The following CMTM8 variants were observed in gnomAD, a reference collection of about 807,000 sequenced individuals.
CMTM8 encodes the protein CKLF like MARVEL transmembrane domain containing 8.
CMTM8 carries 12 observed loss-of-function variants against 18.6 expected under a neutral mutation model. That is an observed-to-expected ratio of 0.65 (90% CI 0.41 to 1.05). The LOEUF is 1.05. Among genes scored for constraint, CMTM8 ranks in the 50% least tolerant of loss-of-function variants. CMTM8 has a pLI of 0.00. For synonymous variants in CMTM8, 87 were observed against 90.6 expected, an observed-to-expected ratio of 0.96 and a Z score of 0.23; for missense variants, 217 against 227.2, an observed-to-expected ratio of 0.95 and a Z score of 0.29.
intron 1 of CMTM8, among the ~76,000 whole-genome samples, chr3:32,296,996 T>C (rs1702891736): frequency 6.6e-6 from 1 of 152,136 alleles, no homozygotes; most frequent in Admixed American, 6.5e-5. Context: ...TTTGCTCTCA[T>C]AGGATGGTTG....
At chr3:32,300,960 CAA>C (rs1276105844) in intron 1 of CMTM8, among the ~76,000 whole-genome samples, 3 of 99,782 alleles carry the variant, frequency 3.0e-5, no homozygotes, top group Non-Finnish European at 4.4e-5. Flanking sequence ...AACTCCATCT[CAA>C]AAAAAAAAAA....
chr3:32,278,693 C>T (rs886065729), intron 1 of CMTM8, among the ~76,000 whole-genome samples: 1 of 152,150 alleles, frequency 6.6e-6, no homozygotes, highest in Non-Finnish European at 1.5e-5. Context: ...TGTTAACCAT[C>T]CTAATATATA....
At chr3:32,269,169 A>T (rs902323567) in intron 1 of CMTM8, among the ~76,000 whole-genome samples, 2 of 152,350 alleles carry the variant, frequency 1.3e-5, no homozygotes, top group East Asian at 3.9e-4. Context: ...GCAGTCTCAG[A>T]GTAAACAATA....
Position 32,319,074 on chromosome 3 carries a change from A to ATT in CMTM8, c.148-38279_148-38278dup, listed in dbSNP as rs1177949113. Among the ~76,000 whole-genome samples, 21 of 31,526 alleles carry ATT rather than the reference A, an allele frequency of 6.7e-4. 1 individual carries two copies. Among genetic ancestry groups the ATT allele is most frequent in the African/African-American group, 9.2e-4 (6 of 6,550 alleles). 20.7% of individuals were successfully genotyped at this position (31,526 alleles called of 152,430 possible). On this transcript the variant is annotated intron_variant, in intron 1 of 3. Transcript: ENST00000307526. ...TGTATATACATATATATATATATAT[A>ATT]TTTTTTTTTTTTTTTTTTTTTGAGA...
intron 1 of CMTM8, among the ~76,000 whole-genome samples, chr3:32,316,480 G>A (rs1695934149): frequency 1.3e-5 from 2 of 152,188 alleles, no homozygotes; most frequent in Admixed American, 6.5e-5. Context: ...CTTGACAGAT[G>A]TGCAACTTTT....
chr3:32,285,177 G>A (rs1702659874), intron 1 of CMTM8, among the ~76,000 whole-genome samples: 1 of 152,108 alleles, frequency 6.6e-6, no homozygotes, highest in Non-Finnish European at 1.5e-5. Context: ...AAAAAGCAGG[G>A]ACCTTGCATA....
chr3:32,357,723 T>C (rs571124434), intron 2 of CMTM8, among the ~76,000 whole-genome samples, 177 bp downstream of exon 2: 5 of 152,360 alleles, frequency 3.3e-5, no homozygotes, highest in African/African-American at 9.6e-5. Context: ...GGCTTACACC[T>C]GGGTGTGAAA....
intron 1 of CMTM8, among the ~76,000 whole-genome samples, chr3:32,356,656 CTG>C (rs1179762174): frequency 6.6e-6 from 1 of 152,192 alleles, no homozygotes; most frequent in African/African-American, 2.4e-5. Context: ...TACTGGCCAT[CTG>C]TGAGAAGAGC....
intron 1 of CMTM8, among the ~76,000 whole-genome samples, chr3:32,274,274 C>A (rs1048140026): frequency 2.0e-5 from 3 of 150,888 alleles, no homozygotes; most frequent in Admixed American, 6.6e-5. Context: ...CATGCCACTG[C>A]ACTCCAGCCT....
At chr3:32,306,261 A>G (rs1695713311) in intron 1 of CMTM8, among the ~76,000 whole-genome samples, 1 of 152,182 alleles carries the variant, frequency 6.6e-6, no homozygotes, top group Admixed American at 6.5e-5. Context: ...ACCTGATGGC[A>G]AGGCCAGGAA....
At chr3:32,317,488 ATTGT>A (rs1445107696) in intron 1 of CMTM8, among the ~76,000 whole-genome samples, 3 of 152,210 alleles carry the variant, frequency 2.0e-5, no homozygotes, top group Non-Finnish European at 4.4e-5. Context: ...GAATTCACAC[ATTGT>A]TGGTGGGAAA....
At chr3:32,293,530 AGAGT>A (rs1702820652) in intron 1 of CMTM8, among the ~76,000 whole-genome samples, 1 of 152,182 alleles carries the variant, frequency 6.6e-6, no homozygotes, top group African/African-American at 2.4e-5. Flanking sequence ...CCTGGGCAAC[AGAGT>A]GAGTGAGACT....
chr3:32,312,327 T>A (rs1016974797), intron 1 of CMTM8, among the ~76,000 whole-genome samples: 2 of 152,170 alleles, frequency 1.3e-5, no homozygotes, highest in Non-Finnish European at 2.9e-5. Flanking sequence ...AGTCCCCAGG[T>A]AATCCCACAA....
At chr3:32,248,172 A>T (rs1264910469) in intron 1 of CMTM8, among the ~76,000 whole-genome samples, 2 of 152,242 alleles carry the variant, frequency 1.3e-5, no homozygotes, top group Admixed American at 6.5e-5. Context: ...GGTGCAGCTT[A>T]TAATGGATGC....
intron 1 of CMTM8, among the ~76,000 whole-genome samples, chr3:32,326,679 C>T (rs771680262): frequency 4.6e-5 from 7 of 151,864 alleles, no homozygotes; most frequent in Admixed American, 1.3e-4. Context: ...ATCATGCCCA[C>T]TAATTTTTGT....
chr3:32,317,839 A>G (rs1312823807), intron 1 of CMTM8, among the ~76,000 whole-genome samples: 1 of 152,138 alleles, frequency 6.6e-6, no homozygotes, highest in African/African-American at 2.4e-5. Flanking sequence ...GCAGATCATG[A>G]GGTCAGGAGT....
chr3:32,313,352 C>T (rs141904810), intron 1 of CMTM8, among the ~76,000 whole-genome samples: 9 of 152,218 alleles, frequency 5.9e-5, no homozygotes, highest in African/African-American at 1.7e-4. Flanking sequence ...CCTAGCATTT[C>T]GTATTCCTGT....
chr3:32,311,874 A>G (rs1695826055), intron 1 of CMTM8, among the ~76,000 whole-genome samples: 1 of 152,206 alleles, frequency 6.6e-6, no homozygotes, highest in East Asian at 1.9e-4. Flanking sequence ...AACTGAGGCA[A>G]ATTAACACAG....
At chr3:32,295,467 A>AAC (rs1559372379) in intron 1 of CMTM8, among the ~76,000 whole-genome samples, 4 of 141,456 alleles carry the variant, frequency 2.8e-5, no homozygotes, top group African/African-American at 1.1e-4. Context: ...AAAAAAAAAA[A>AAC]AAAAAAAAAA....
Sources: gnomAD v4.1 joint callset for allele counts (sites outside exome capture counted in the v4.1 genomes callset) on GRCh38, gnomAD v4.1.1 for gene constraint, MANE v1.5 for transcripts, NCBI Gene and HGNC (gene_info 2026-07-23, HGNC 2026-07-21) for gene names.